Variants in MRPS28 observed in about 807,000 individuals in gnomAD.
The protein encoded by MRPS28 is small ribosomal subunit protein bS1m.
A neutral mutation model predicts 10.8 loss-of-function variants in MRPS28; 7 were observed. The ratio of observed to expected loss-of-function variants is 0.65; its 90% CI spans 0.37 to 1.22. MRPS28 has a LOEUF of 1.22. Among genes scored for constraint, MRPS28 ranks in the 50% most tolerant of loss-of-function variants. The pLI is 0.02. For synonymous variants in MRPS28, 121 were observed against 93.3 expected (o/e 1.30, Z -1.71); for missense variants, 265 against 232.9 (o/e 1.14, Z -0.90).
chr8:79,983,586 G>A (rs1436670180), intron 2 of MRPS28, among the ~76,000 whole-genome samples: 1 of 152,246 alleles, frequency 6.6e-6, no homozygotes, highest in African/African-American at 2.4e-5. Flanking sequence ...TAAAGGAGCT[G>A]ACAGAGCTGA....
intron 1 of MRPS28, among the ~76,000 whole-genome samples, chr8:80,026,579 C>G (rs11996969): frequency 6.6e-6 from 1 of 152,156 alleles, no homozygotes; most frequent in African/African-American, 2.4e-5. Flanking sequence ...AAGGACTGTG[C>G]TAGGCACTGG....
chr8:79,932,144 G>A (rs1356667007), intron 2 of MRPS28, among the ~76,000 whole-genome samples: 2 of 152,160 alleles, frequency 1.3e-5, no homozygotes, highest in African/African-American at 2.4e-5. Flanking sequence ...TCTAGATGCT[G>A]CAATAACCAG....
At chr8:79,980,518 G>T (rs1807926762) in intron 2 of MRPS28, among the ~76,000 whole-genome samples, 1 of 152,138 alleles carries the variant, frequency 6.6e-6, no homozygotes, top group African/African-American at 2.4e-5. Context: ...GTTTGACATT[G>T]ATTTTATTTT....
chr8:79,954,905 C>A (rs1428087667), intron 2 of MRPS28, among the ~76,000 whole-genome samples: 1 of 151,964 alleles, frequency 6.6e-6, no homozygotes, highest in Non-Finnish European at 1.5e-5. Context: ...GAGGCTGAGG[C>A]AGGAGAATTG....
At chr8:80,008,890 A>T (rs1430517274) in intron 1 of MRPS28, among the ~76,000 whole-genome samples, 2 of 152,244 alleles carry the variant, frequency 1.3e-5, no homozygotes, top group Non-Finnish European at 2.9e-5. Context: ...ATCTAGAACT[A>T]GAAATACCAT....
intron 2 of MRPS28, among the ~76,000 whole-genome samples, chr8:79,955,128 G>C (rs1807172663): frequency 6.6e-6 from 1 of 152,128 alleles, no homozygotes; most frequent in Non-Finnish European, 1.5e-5. Flanking sequence ...GTTATTCTGA[G>C]GTCTTGCCTT....
intron 1 of MRPS28, among the ~76,000 whole-genome samples, chr8:80,010,294 G>A (rs1215536594): frequency 6.6e-6 from 1 of 152,164 alleles, no homozygotes; most frequent in African/African-American, 2.4e-5. Context: ...TTAACAATTT[G>A]ATCTGACGAC....
intron 1 of MRPS28, among the ~76,000 whole-genome samples, chr8:80,004,530 T>C (rs1241065687): frequency 6.6e-6 from 1 of 151,940 alleles, no homozygotes; most frequent in Non-Finnish European, 1.5e-5. Context: ...ACAACAAAGA[T>C]GGGGAAAAAA....
At chr8:79,936,445 ATT>A in intron 2 of MRPS28, among the ~76,000 whole-genome samples, 1 of 152,372 alleles carries the variant, frequency 6.6e-6, no homozygotes, top group Non-Finnish European at 1.5e-5. Flanking sequence ...AAAGTGAATG[ATT>A]TAGTCATATG....
chr8:80,023,702 T>C (rs2130248152), intron 1 of MRPS28, among the ~76,000 whole-genome samples: 1 of 152,346 alleles, frequency 6.6e-6, no homozygotes, highest in African/African-American at 2.4e-5. Context: ...AAACATTTTT[T>C]CCAATGTTCT....
At position 80,025,692 on chromosome 8, in the gene MRPS28, A is replaced by T. The variant is rs112528677; in HGVS notation, c.213+4344T>A. Among the ~76,000 whole-genome samples the T allele has an allele frequency of 7.2e-3, 1,101 of 152,330 alleles. 16 individuals are homozygous for T. The highest frequency in any genetic ancestry group is 0.014 in the Middle Eastern group (4 of 294). On this transcript the variant is annotated intron_variant, in intron 1 of 2. Transcript: ENST00000276585. ...ACTAAGTGCTTATTAAGTATCAGGC[A>T]CTTGTGTTAAGTGTTTTAAATAATG...
At position 80,026,919 on chromosome 8, in the gene MRPS28, A is replaced by C. The variant is rs1378047863; in HGVS notation, c.213+3117T>G. On this transcript the variant is annotated intron_variant, in intron 1 of 2. Transcript: ENST00000276585. ...ATTTTATATTCATTCATTAAGAAAAAAAATTATTTTTTAGAGTACTTTTAG... is the reference window on the plus strand; with the variant it reads ...ATTTTATATTCATTCATTAAGAAAACAAATTATTTTTTAGAGTACTTTTAG... 2.0e-5 allele frequency among the ~76,000 whole-genome samples: 3 copies of C among 152,142 alleles called. No homozygotes were observed. In the East Asian group the frequency reaches 5.8e-4, roughly 29 times the overall value.
intron 1 of MRPS28, among the ~76,000 whole-genome samples, chr8:80,025,109 A>T (rs1809462744): frequency 6.6e-6 from 1 of 152,234 alleles, no homozygotes; most frequent in South Asian, 2.1e-4. Context: ...CTTACATACA[A>T]TCCCAATATA....
In MRPS28 at chr8:80,004,495, T is replaced by C. The variant is rs1290203285; in HGVS notation, c.214-1315A>G. Among the ~76,000 whole-genome samples, 5 of 152,072 alleles carry C rather than the reference T, an allele frequency of 3.3e-5. No individual in the cohort carries two copies. In the East Asian group the frequency reaches 9.6e-4, roughly 29 times the overall value. On this transcript the variant is annotated intron_variant, in intron 1 of 2. Transcript: ENST00000276585. Reference sequence around the variant, plus strand: ...CCAAAACCCCATCTGTACGTCACCATCATCAAAGACCAAAGGTAGATAAAA... The same window carrying C: ...CCAAAACCCCATCTGTACGTCACCACCATCAAAGACCAAAGGTAGATAAAA...
chr8:79,969,868 A>G (rs928099954), intron 2 of MRPS28, among the ~76,000 whole-genome samples: 1 of 152,218 alleles, frequency 6.6e-6, no homozygotes, highest in Non-Finnish European at 1.5e-5. Context: ...TGCTTTGGAA[A>G]TATTAGCTAT....
intron 2 of MRPS28, among the ~76,000 whole-genome samples, chr8:79,987,202 T>C (rs369198475): frequency 3.9e-4 from 60 of 152,126 alleles, no homozygotes; most frequent in East Asian, 5.8e-4. Context: ...ATAAATGGTG[T>C]TGGGAAAACT....
chr8:79,984,639 AAC>A (rs1487831986), intron 2 of MRPS28, among the ~76,000 whole-genome samples: 2 of 152,184 alleles, frequency 1.3e-5, no homozygotes, highest in African/African-American at 4.8e-5. Context: ...TCTCTGATAA[AAC>A]AGACTTTAAA....
chr8:79,924,080 T>TG (rs1810169500), intron 2 of MRPS28, among the ~76,000 whole-genome samples: 1 of 152,228 alleles, frequency 6.6e-6, no homozygotes, highest in African/African-American at 2.4e-5. Flanking sequence ...AAGCTTGGAT[T>TG]GAACCTCGGT....
At chr8:79,943,042 C>A (rs970175775) in intron 2 of MRPS28, among the ~76,000 whole-genome samples, 1 of 152,142 alleles carries the variant, frequency 6.6e-6, no homozygotes, top group African/African-American at 2.4e-5. Context: ...AAAGACCACC[C>A]CCCAACATTG....
Sources: gnomAD v4.1 joint callset for allele counts (sites outside exome capture counted in the v4.1 genomes callset) on GRCh38, gnomAD v4.1.1 for gene constraint, MANE v1.5 for transcripts, NCBI Gene and HGNC (gene_info 2026-07-23, HGNC 2026-07-21) for gene names.